NAALADL2: variants seen among roughly 807,000 people sequenced by gnomAD.
NAALADL2 encodes the protein N-acetylated alpha-linked acidic dipeptidase like 2.
A neutral mutation model predicts 87.2 loss-of-function variants in NAALADL2; 76 were observed. The observed-to-expected ratio is 0.87, with a 90% CI of 0.72 to 1.05. NAALADL2 has a LOEUF of 1.05. Among genes scored for constraint, NAALADL2 ranks in the 50% least tolerant of loss-of-function variants. The probability of loss-of-function intolerance (pLI) is 0.00; values close to 1 mark genes in which losing one functional copy is unlikely to be tolerated. For synonymous variants in NAALADL2, 354 were observed against 331.0 expected (o/e 1.07, Z -0.75); for missense variants, 1,089 against 945.8 (o/e 1.15, Z -1.99).
chr3:174,991,880 G>C (rs969910748), intron 1 of NAALADL2, among the ~76,000 whole-genome samples: 28 of 152,090 alleles, frequency 1.8e-4, no homozygotes, highest in African/African-American at 6.8e-4. Context: ...TGTATGAATA[G>C]AATATTCTTG....
intron 3 of NAALADL2, among the ~76,000 whole-genome samples, chr3:174,774,949 C>T (rs117925110): frequency 2.0e-5 from 3 of 152,092 alleles, no homozygotes; most frequent in African/African-American, 7.2e-5. Flanking sequence ...TCAGTTCTCA[C>T]AAACGGAAAA....
At chr3:175,351,265 A>C (rs1763733965) in intron 5 of NAALADL2, among the ~76,000 whole-genome samples, 1 of 152,120 alleles carries the variant, frequency 6.6e-6, no homozygotes, top group South Asian at 2.1e-4. Context: ...TGCATTTCTC[A>C]ATAAAATAAA....
intron 3 of NAALADL2, among the ~76,000 whole-genome samples, chr3:174,767,430 T>C (rs992927587): frequency 1.3e-5 from 2 of 152,180 alleles, no homozygotes; most frequent in African/African-American, 4.8e-5. Context: ...TCAGGTGATA[T>C]CACCTGGATC....
At chr3:175,144,192 T>C (rs1259027601) in intron 2 of NAALADL2, among the ~76,000 whole-genome samples, 1 of 151,976 alleles carries the variant, frequency 6.6e-6, no homozygotes, top group Admixed American at 6.6e-5. Context: ...TCAGTCAGCA[T>C]GCTGCAATAT....
chr3:175,356,663 A>T (rs1445190009), intron 5 of NAALADL2, among the ~76,000 whole-genome samples: 1 of 151,624 alleles, frequency 6.6e-6, no homozygotes, highest in East Asian at 1.9e-4. Context: ...AAACATAAGG[A>T]GCCATGAAGA....
chr3:175,255,999 G>C lies in NAALADL2; in HGVS notation c.820-412G>C, dbSNP rs573085273. On this transcript the variant is annotated intron_variant, in intron 3 of 13. Coordinates refer to ENST00000454872, the MANE Select transcript of NAALADL2 (RefSeq NM_207015.3). The stretch of plus-strand genomic sequence containing the variant: ...GAGGACATTGCACTTAATTTGGATA[G>C]CAATAGAAAACCTTTGAATTTTCTT... Among the ~76,000 whole-genome samples, 5 of 152,270 alleles carry C rather than the reference G, an allele frequency of 3.3e-5. No homozygotes were observed. The South Asian group carries it at 1.0e-3, about 32-fold the overall frequency.
chr3:175,060,296 C>A (rs1713154499), intron 1 of NAALADL2, among the ~76,000 whole-genome samples: 1 of 152,112 alleles, frequency 6.6e-6, no homozygotes, highest in African/African-American at 2.4e-5. Flanking sequence ...ATAAACATAT[C>A]TGTGGAGAAA....
At chr3:174,843,470 T>A (rs1188590289) in intron 3 of NAALADL2, among the ~76,000 whole-genome samples, 2 of 152,194 alleles carry the variant, frequency 1.3e-5, no homozygotes. Context: ...TTCCACGTCT[T>A]GGCTATTGTG....
intron 1 of NAALADL2, among the ~76,000 whole-genome samples, chr3:174,529,477 CT>C: frequency 6.6e-6 from 1 of 152,308 alleles, no homozygotes; most frequent in Middle Eastern, 3.4e-3. Context: ...TGGTGGCCCT[CT>C]TCTCACAGCT....
At chr3:175,489,891 CAATCGACATTTTTGCTTTT>C (rs1273023660) in intron 9 of NAALADL2, among the ~76,000 whole-genome samples, 1 of 152,130 alleles carries the variant, frequency 6.6e-6, no homozygotes, top group African/African-American at 2.4e-5. Flanking sequence ...TAGTATATGA[CAATCGACATTTTTGCTTTT>C]AATCTACTCC....
chr3:175,101,641 G>A (rs1722203068), intron 2 of NAALADL2, among the ~76,000 whole-genome samples: 1 of 152,162 alleles, frequency 6.6e-6, no homozygotes, highest in Non-Finnish European at 1.5e-5. Flanking sequence ...AAGATCATAA[G>A]CAAATTTCTG....
intron 1 of NAALADL2, among the ~76,000 whole-genome samples, chr3:174,507,892 T>C (rs1719302114): frequency 1.3e-5 from 2 of 152,138 alleles, no homozygotes; most frequent in Non-Finnish European, 2.9e-5. Context: ...TATAAGTTTT[T>C]ATTTTCCTAG....
chr3:175,729,951 A>G (rs5017488), intron 11 of NAALADL2, among the ~76,000 whole-genome samples: 98,185 of 151,856 alleles, frequency 0.65, 33,918 homozygotes, highest in African/African-American at 0.91. Context: ...TACAGCTTAA[A>G]TGAAAGGTAT....
chr3:175,710,551 TATAA>T (rs1223803585), intron 11 of NAALADL2, among the ~76,000 whole-genome samples: 1 of 150,728 alleles, frequency 6.6e-6, no homozygotes, highest in Non-Finnish European at 1.5e-5. Context: ...TTCTATTATA[TATAA>T]ATATTTATAT....
chr3:174,757,557 T>C (rs1712280130), intron 3 of NAALADL2, among the ~76,000 whole-genome samples: 1 of 152,068 alleles, frequency 6.6e-6, no homozygotes, highest in South Asian at 2.1e-4. Flanking sequence ...AGTGGCATGA[T>C]CTCGGCTCAC....
chr3:175,374,591 TTA>T (rs1766914179), intron 5 of NAALADL2, among the ~76,000 whole-genome samples: 1 of 126,014 alleles, frequency 7.9e-6, no homozygotes, highest in Non-Finnish European at 1.6e-5. Flanking sequence ...AAAAAGAAAG[TTA>T]TATAGGCCAG....
chr3:175,239,717 A>G lies in NAALADL2; in HGVS notation c.819+5513A>G, dbSNP rs1278874609. 2.0e-5 allele frequency among the ~76,000 whole-genome samples: 3 copies of G among 152,212 alleles called. No homozygotes were observed. In the East Asian group the frequency reaches 5.8e-4, roughly 29 times the overall value. On this transcript the variant is annotated intron_variant, in intron 3 of 13. Transcript: ENST00000454872. ...TTATGAAGATATGTGTCACTACCCT[A>G]TTCTGCAGAGAGCATAGTTCAACAG...
chr3:174,972,455 C>CCTTCTCTCTGCGCTCT (rs1743818241), intron 1 of NAALADL2, among the ~76,000 whole-genome samples: 2 of 152,106 alleles, frequency 1.3e-5, no homozygotes, highest in Non-Finnish European at 2.9e-5. Flanking sequence ...CAGATGACCA[C>CCTTCTCTCTGCGCTCT]CTTCTCTCTG....
At chr3:174,849,690 G>A (rs950841991) in intron 3 of NAALADL2, among the ~76,000 whole-genome samples, 8 of 142,264 alleles carry the variant, frequency 5.6e-5, no homozygotes, top group East Asian at 2.1e-4. Flanking sequence ...AGCTGAGATC[G>A]CGCCATTGCA....
Sources: allele counts gnomAD v4.1 joint callset (sites outside exome capture counted in the v4.1 genomes callset), GRCh38; gene constraint gnomAD v4.1.1; transcripts MANE v1.5; gene names NCBI Gene and HGNC (gene_info 2026-07-23, HGNC 2026-07-21).